Variants in COMMD1 observed in about 807,000 individuals in gnomAD.
COMMD1 encodes the protein copper metabolism domain containing 1.
In COMMD1, 10 loss-of-function variants were observed where a neutral mutation model predicts 17.2. The ratio of observed to expected loss-of-function variants is 0.58; its 90% CI spans 0.36 to 0.99. COMMD1 has a LOEUF of 0.99. COMMD1 is among the 50% of genes least tolerant of loss of function. The probability of loss-of-function intolerance (pLI) is 0.01; values close to 1 mark genes in which losing one functional copy is unlikely to be tolerated. For missense variants in COMMD1, 270 were observed against 231.8 expected, an observed-to-expected ratio of 1.17 and a Z score of -1.07; for synonymous variants, 97 against 91.6, an observed-to-expected ratio of 1.06 and a Z score of -0.34.
chr2:62,012,270 T>TACACACAC (rs57739132), intron 2 of COMMD1, among the ~76,000 whole-genome samples: 1,365 of 129,928 alleles, frequency 0.011, 15 homozygotes, highest in African/African-American at 0.018. Flanking sequence ...CACACACACA[T>TACACACAC]ACACACACAC....
At chr2:62,061,913 G>A (rs1403023883) in intron 2 of COMMD1, among the ~76,000 whole-genome samples, 1 of 150,540 alleles carries the variant, frequency 6.6e-6, no homozygotes, top group Non-Finnish European at 1.5e-5. Context: ...CAAAGCAGTT[G>A]GAACTATGTG....
intron 2 of COMMD1, among the ~76,000 whole-genome samples, chr2:62,052,449 A>C (rs543765131): frequency 1.3e-5 from 2 of 152,204 alleles, no homozygotes; most frequent in Non-Finnish European, 2.9e-5. Context: ...CTTTTCCATC[A>C]GATTATTCCA....
chr2:62,133,522 T>A (rs74827881), intron 2 of COMMD1, among the ~76,000 whole-genome samples: 1,762 of 151,830 alleles, frequency 0.012, 37 homozygotes, highest in African/African-American at 0.041. Flanking sequence ...TAAGTATTTT[T>A]AATTTTATAT....
At chr2:61,934,801 T>C (rs1439436788) in intron 1 of COMMD1, among the ~76,000 whole-genome samples, 1 of 152,164 alleles carries the variant, frequency 6.6e-6, no homozygotes. Flanking sequence ...TTATTTAAAT[T>C]GAGACAGGGT....
intron 2 of COMMD1, among the ~76,000 whole-genome samples, chr2:62,002,390 C>G (rs2103808322): frequency 7.5e-6 from 1 of 132,644 alleles, no homozygotes; most frequent in South Asian, 2.6e-4. Context: ...ACTTGGGAGG[C>G]TGAGGCAGGA....
At chr2:62,059,607 A>T (rs1670801157) in intron 2 of COMMD1, among the ~76,000 whole-genome samples, 1 of 152,170 alleles carries the variant, frequency 6.6e-6, no homozygotes, top group African/African-American at 2.4e-5. Context: ...GCCTGGCTGG[A>T]GTGCAGTGGC....
chr2:62,130,503 A>G (rs993515147), intron 2 of COMMD1, among the ~76,000 whole-genome samples: 2 of 152,122 alleles, frequency 1.3e-5, no homozygotes, highest in African/African-American at 4.8e-5. Context: ...CCATCCCCCA[A>G]ATTTATCATT....
intron 2 of COMMD1, among the ~76,000 whole-genome samples, chr2:62,034,560 A>G (rs1334315363): frequency 6.6e-6 from 1 of 152,156 alleles, no homozygotes. Flanking sequence ...ATTACTTGCT[A>G]AAATTTTGTC....
chr2:61,948,146 T>C (rs968703113), intron 1 of COMMD1, among the ~76,000 whole-genome samples: 3 of 152,192 alleles, frequency 2.0e-5, no homozygotes, highest in African/African-American at 7.2e-5. Flanking sequence ...TGTGTTTTTG[T>C]CACCTAGGCT....
intron 2 of COMMD1, among the ~76,000 whole-genome samples, chr2:62,090,433 A>G (rs1275813744): frequency 2.0e-5 from 3 of 152,220 alleles, no homozygotes; most frequent in Admixed American, 2.0e-4. Flanking sequence ...AATCCAATAC[A>G]TTTAATGTCT....
intron 2 of COMMD1, among the ~76,000 whole-genome samples, chr2:62,019,765 A>G (rs769910644): frequency 2.0e-5 from 3 of 152,206 alleles, no homozygotes; most frequent in Non-Finnish European, 2.9e-5. Flanking sequence ...TATCAGATGT[A>G]TCCACTGAAA....
intron 1 of COMMD1, among the ~76,000 whole-genome samples, chr2:61,914,497 C>G (rs990393642): frequency 6.6e-6 from 1 of 151,648 alleles, no homozygotes; most frequent in Non-Finnish European, 1.5e-5. Flanking sequence ...TGCTTGAACC[C>G]CAGAGGTGGA....
At chr2:61,943,629 G>A (rs1558530256) in intron 1 of COMMD1, among the ~76,000 whole-genome samples, 1 of 152,176 alleles carries the variant, frequency 6.6e-6, no homozygotes, top group East Asian at 1.9e-4. Flanking sequence ...GAGGTCAGGA[G>A]TTCGAGACCA....
At chr2:62,013,652 G>T (rs982296246) in intron 2 of COMMD1, among the ~76,000 whole-genome samples, 22 of 152,208 alleles carry the variant, frequency 1.4e-4, no homozygotes, top group African/African-American at 5.3e-4. Flanking sequence ...TAGAGTGTAG[G>T]TTTTGAATAT....
intron 1 of COMMD1, among the ~76,000 whole-genome samples, chr2:61,968,522 G>A (rs1306583262): frequency 2.6e-5 from 4 of 151,018 alleles, no homozygotes; most frequent in Non-Finnish European, 5.9e-5. Flanking sequence ...TTTCTTTTTG[G>A]ACTATATCTA....
intron 1 of COMMD1, among the ~76,000 whole-genome samples, chr2:61,930,298 C>T (rs2105207135): frequency 6.6e-6 from 1 of 152,266 alleles, no homozygotes. Context: ...TGGCTCATGC[C>T]TGTAATACCA....
chr2:61,969,307 AT>A (rs1261053999), intron 1 of COMMD1, among the ~76,000 whole-genome samples: 1 of 152,144 alleles, frequency 6.6e-6, no homozygotes, highest in Non-Finnish European at 1.5e-5. Context: ...CTTTAATTAT[AT>A]AAATTTATAT....
At chr2:62,020,738 G>A (rs943405633) in intron 2 of COMMD1, among the ~76,000 whole-genome samples, 1 of 152,152 alleles carries the variant, frequency 6.6e-6, no homozygotes, top group African/African-American at 2.4e-5. Context: ...GGTGGCTCAC[G>A]CTTGTAATCC....
At chr2:62,108,285 C>T (rs1488767471) in intron 2 of COMMD1, among the ~76,000 whole-genome samples, 3 of 152,126 alleles carry the variant, frequency 2.0e-5, no homozygotes, top group Admixed American at 1.3e-4. Context: ...ACTTTTCCCT[C>T]TGCCCTCTAG....
Sources: gnomAD v4.1 joint callset for allele counts (sites outside exome capture counted in the v4.1 genomes callset) on GRCh38, gnomAD v4.1.1 for gene constraint, MANE v1.5 for transcripts, NCBI Gene and HGNC (gene_info 2026-07-23, HGNC 2026-07-21) for gene names.